RORA: variants seen among roughly 807,000 people sequenced by gnomAD.
RORA encodes the protein RAR related orphan receptor A.
RORA carries 7 observed loss-of-function variants against 69.5 expected under a neutral mutation model. The observed-to-expected ratio is 0.10, with a 90% CI of 0.06 to 0.19. The LOEUF (loss-of-function observed/expected upper bound fraction) is 0.19. Among genes scored for constraint, RORA ranks in the 10% least tolerant of loss-of-function variants. The pLI is 1.00. For synonymous variants in RORA, 261 were observed against 240.8 expected, an observed-to-expected ratio of 1.08 and a Z score of -0.78; for missense variants, 457 against 663.0, an observed-to-expected ratio of 0.69 and a Z score of 3.41.
At chr15:60,754,428 C>T (rs559942759) in intron 1 of RORA, among the ~76,000 whole-genome samples, 2 of 152,314 alleles carry the variant, frequency 1.3e-5, no homozygotes, top group East Asian at 3.9e-4. Flanking sequence ...CTAATTCCAG[C>T]TGTACTGTAG....
At chr15:60,559,860 A>G (rs2067480634) in intron 2 of RORA, among the ~76,000 whole-genome samples, 1 of 152,224 alleles carries the variant, frequency 6.6e-6, no homozygotes, top group Non-Finnish European at 1.5e-5. Flanking sequence ...TTCATGTTCC[A>G]AAAATATTTC....
chr15:61,205,973 G>A (rs377605186), intron 1 of RORA, among the ~76,000 whole-genome samples: 4 of 152,246 alleles, frequency 2.6e-5, no homozygotes, highest in Admixed American at 2.0e-4. Flanking sequence ...TCTAGGCCTC[G>A]GTCCTCTAAT....
At chr15:60,853,933 T>G (rs2073352453) in intron 1 of RORA, among the ~76,000 whole-genome samples, 1 of 152,296 alleles carries the variant, frequency 6.6e-6, no homozygotes, top group Admixed American at 6.5e-5. Context: ...CAGTAAAGAT[T>G]AAATGTGAGG....
In RORA at chr15:60,505,524, T is replaced by G. The variant is rs1567042018; in HGVS notation, c.926A>C (p.Glu309Ala). ...AGATCATACCTTGTTTTGATAGTTCTCAATTTCTTCCTGTAAAAAGGTCTG... is the reference window on the plus strand; with the variant it reads ...AGATCATACCTTGTTTTGATAGTTCGCAATTTCTTCCTGTAAAAAGGTCTG... The part of the protein sequence containing the change: ...TWQTFLQEEI[E>A]NYQNKQREVM... The change falls in exon 6 of 11, where the codon GAG becomes GCG. Residue 309 changes from glutamate (E) to alanine (A), a missense_variant. Physicochemically the swap from Glu to Ala is moderately radical, Grantham distance 107 (BLOSUM62 -1). Coordinates refer to ENST00000335670, the MANE Select transcript of RORA (RefSeq NM_134261.3). The G allele has an allele frequency of 1.2e-6, 2 of 1,613,898 alleles. No homozygotes were observed. Among genetic ancestry groups the G allele is most frequent in the Non-Finnish European group, 1.7e-6 (2 of 1,179,884 alleles).
At chr15:60,615,646 A>C (rs1415753464) in intron 2 of RORA, among the ~76,000 whole-genome samples, 1 of 152,238 alleles carries the variant, frequency 6.6e-6, no homozygotes, top group East Asian at 1.9e-4. Flanking sequence ...GCTCCCTGCC[A>C]GCCTAGCTCA....
At position 60,491,307 on chromosome 15, in the gene RORA, A is replaced by C. The variant is rs1423719574; in HGVS notation, c.*6148T>G. The C allele has an allele frequency of 6.6e-6, 1 of 152,198 alleles. No homozygotes were observed. The highest frequency in any genetic ancestry group is 1.5e-5 in the Non-Finnish European group (1 of 68,010). The allele number at this position is 152,198 out of a possible 1,614,324, so 9.4% of individuals were successfully genotyped here. A position where few individuals can be genotyped will look rare whatever the true frequency, so the allele number is the denominator to read the frequency against. On this transcript the variant is annotated 3_prime_UTR_variant, in exon 11 of 11. Transcript: ENST00000335670. ...TTAGTTGTTCTTAGAGAACAACATA[A>C]TGGCATGTGCAACATGTCAAAGCTA...
Position 61,046,515 on chromosome 15 carries a change from A to AC in RORA, c.166+182537_166+182538insG, listed in dbSNP as rs2140486942. ...CTGCCACCATGCTGGAGCAGCTTAG[A>AC]GATCCACCTGAGTGAGCCAGAGGCG... On this transcript the variant is annotated intron_variant, in intron 1 of 10. Coordinates refer to ENST00000335670, the MANE Select transcript of RORA (RefSeq NM_134261.3). Among the ~76,000 whole-genome samples, 3 of 152,298 alleles carry AC rather than the reference A, an allele frequency of 2.0e-5. No homozygotes were observed. The East Asian group carries it at 5.8e-4, about 29-fold the overall frequency.
At chr15:61,097,663 G>A (rs536613670) in intron 1 of RORA, among the ~76,000 whole-genome samples, 2 of 152,302 alleles carry the variant, frequency 1.3e-5, no homozygotes, top group East Asian at 1.9e-4. Flanking sequence ...GGTGACAAAT[G>A]TAGAATTTCT....
At chr15:60,721,844 T>C (rs900411361) in intron 1 of RORA, among the ~76,000 whole-genome samples, 1 of 152,254 alleles carries the variant, frequency 6.6e-6, no homozygotes, top group African/African-American at 2.4e-5. Context: ...TAGTAAGAGG[T>C]GCCTGCTCCT....
At position 60,620,304 on chromosome 15, in the gene RORA, G is replaced by A. The variant is rs1334987235; in HGVS notation, c.196+58353C>T. On this transcript the variant is annotated intron_variant, in intron 2 of 10. Coordinates refer to ENST00000335670, the MANE Select transcript of RORA (RefSeq NM_134261.3). ...TGGTATTAGCTCAAATAAGGACAGGGACCACATCTCATCCCTTAAGTGACT... is the reference window on the plus strand; with the variant it reads ...TGGTATTAGCTCAAATAAGGACAGGAACCACATCTCATCCCTTAAGTGACT... Among the ~76,000 whole-genome samples, 4 of 152,074 alleles carry A rather than the reference G, an allele frequency of 2.6e-5. No individual in the cohort carries two copies. The East Asian group carries it at 5.8e-4, about 22-fold the overall frequency.
At chr15:60,933,195 A>C (rs1892424430) in intron 1 of RORA, among the ~76,000 whole-genome samples, 1 of 152,020 alleles carries the variant, frequency 6.6e-6, no homozygotes, top group African/African-American at 2.4e-5. Context: ...TTCCAACCCA[A>C]ATTCTCCACT....
At chr15:60,501,941 AT>A (rs1183950184) in intron 8 of RORA, among the ~76,000 whole-genome samples, 1 of 152,206 alleles carries the variant, frequency 6.6e-6, no homozygotes, top group Non-Finnish European at 1.5e-5. Flanking sequence ...ATTCTTCTTA[AT>A]AACTATGTTC....
At chr15:60,562,257 A>G (rs2067584051) in intron 2 of RORA, among the ~76,000 whole-genome samples, 1 of 151,768 alleles carries the variant, frequency 6.6e-6, no homozygotes, top group Non-Finnish European at 1.5e-5. Context: ...TTTTGTTGAG[A>G]CAGAGTCTGA....
At chr15:60,928,368 C>G (rs1268087089) in intron 1 of RORA, among the ~76,000 whole-genome samples, 33 of 152,150 alleles carry the variant, frequency 2.2e-4, no homozygotes, top group Non-Finnish European at 1.5e-5. Context: ...TTAACTAAAA[C>G]AGGAAGTGCT....
At chr15:60,864,921 T>TTGGTATTGC (rs2073471106) in intron 1 of RORA, among the ~76,000 whole-genome samples, 1 of 152,202 alleles carries the variant, frequency 6.6e-6, no homozygotes. Flanking sequence ...TGTTCCACAT[T>TTGGTATTGC]TGGTATTGCT....
intron 1 of RORA, among the ~76,000 whole-genome samples, chr15:61,069,181 C>T (rs1359177513): frequency 6.6e-6 from 1 of 152,128 alleles, no homozygotes; most frequent in Non-Finnish European, 1.5e-5. Flanking sequence ...GCTGTGAAAC[C>T]AAATATTTGC....
chr15:61,178,438 A>G (rs1388333669), intron 1 of RORA, among the ~76,000 whole-genome samples: 1 of 152,156 alleles, frequency 6.6e-6, no homozygotes, highest in African/African-American at 2.4e-5. Context: ...TTGAAAATAT[A>G]ATCTGAAAGT....
chr15:60,958,829 T>C (rs1045607941), intron 1 of RORA, among the ~76,000 whole-genome samples: 1 of 152,200 alleles, frequency 6.6e-6, no homozygotes, highest in Non-Finnish European at 1.5e-5. Context: ...GGTCAGGATA[T>C]GGCACAATCT....
intron 1 of RORA, among the ~76,000 whole-genome samples, chr15:61,046,529 G>A (rs1897036108): frequency 6.6e-6 from 1 of 152,176 alleles, no homozygotes; most frequent in Admixed American, 6.5e-5. Context: ...CCACCTGAGT[G>A]AGCCAGAGGC....
Sources: allele counts gnomAD v4.1 joint callset (sites outside exome capture counted in the v4.1 genomes callset), GRCh38; gene constraint gnomAD v4.1.1; transcripts MANE v1.5; gene names NCBI Gene and HGNC (gene_info 2026-07-23, HGNC 2026-07-21).